FHIT: variants seen among roughly 807,000 people sequenced by gnomAD.
FHIT encodes the protein fragile histidine triad diadenosine triphosphatase.
In FHIT, 19 loss-of-function variants were observed where a neutral mutation model predicts 17.9. The observed-to-expected ratio is 1.06, with a 90% CI of 0.74 to 1.56. The LOEUF (loss-of-function observed/expected upper bound fraction) is 1.56, where lower values mean the gene tolerates loss of function less well. Among genes scored for constraint, FHIT ranks in the 40% most tolerant of loss-of-function variants. FHIT has a pLI of 0.00. For missense variants in FHIT, 248 were observed against 189.2 expected, an observed-to-expected ratio of 1.31 and a Z score of -1.82; for synonymous variants, 81 against 69.7, an observed-to-expected ratio of 1.16 and a Z score of -0.81.
At chr3:60,369,104 C>G (rs1700222846) in intron 5 of FHIT, among the ~76,000 whole-genome samples, 1 of 151,822 alleles carries the variant, frequency 6.6e-6, no homozygotes, top group African/African-American at 2.4e-5. Context: ...TCCTGAGTAG[C>G]TCAAATCACA....
intron 7 of FHIT, among the ~76,000 whole-genome samples, chr3:59,930,010 C>G (rs981083296): frequency 6.6e-6 from 1 of 152,074 alleles, no homozygotes; most frequent in African/African-American, 2.4e-5. Context: ...GATGTGTGAT[C>G]AAGTGAGTTA....
intron 5 of FHIT, among the ~76,000 whole-genome samples, chr3:60,212,822 G>A (rs1370435290): frequency 6.6e-6 from 1 of 152,152 alleles, no homozygotes; most frequent in African/African-American, 2.4e-5. Flanking sequence ...CAAAGAAAAA[G>A]GACATGGCGG....
intron 1 of FHIT, among the ~76,000 whole-genome samples, chr3:61,203,254 C>A (rs1576205716): frequency 6.7e-6 from 1 of 148,928 alleles, no homozygotes; most frequent in Admixed American, 6.7e-5. Flanking sequence ...GAGGCTGAGG[C>A]AGGAGAATAG....
At chr3:59,992,816 C>G (rs1485171613) in intron 7 of FHIT, among the ~76,000 whole-genome samples, 1 of 151,996 alleles carries the variant, frequency 6.6e-6, no homozygotes, top group Non-Finnish European at 1.5e-5. Context: ...CCATCACACC[C>G]TCGCAACAGT....
intron 3 of FHIT, among the ~76,000 whole-genome samples, chr3:60,951,646 G>C (rs1053701280): frequency 6.6e-6 from 1 of 152,142 alleles, no homozygotes; most frequent in Non-Finnish European, 1.5e-5. Flanking sequence ...AGTGCAGCTT[G>C]CTACCAGCAC....
chr3:60,175,557 T>C lies in FHIT; in HGVS notation c.104-161405A>G, dbSNP rs181301240. ...ATTTTTACTCAACATAATGACTCTTTGGGAAGTCTAAATGGCAATACGAGC... is the reference window on the plus strand; with the variant it reads ...ATTTTTACTCAACATAATGACTCTTCGGGAAGTCTAAATGGCAATACGAGC... On this transcript the variant is annotated intron_variant, in intron 5 of 9. Transcript: ENST00000492590. Among the ~76,000 whole-genome samples the C allele has an allele frequency of 9.9e-5, 15 of 152,274 alleles. No individual in the cohort carries two copies. In the East Asian group the frequency reaches 1.5e-3, roughly 16 times the overall value.
chr3:60,566,716 T>C (rs1296200333), intron 4 of FHIT, among the ~76,000 whole-genome samples: 8 of 152,118 alleles, frequency 5.3e-5, no homozygotes, highest in South Asian at 4.1e-4. Flanking sequence ...AACCCCATTG[T>C]CTCAGCCCAA....
intron 5 of FHIT, among the ~76,000 whole-genome samples, chr3:60,057,380 A>G (rs575851411): frequency 1.3e-5 from 2 of 152,296 alleles, no homozygotes; most frequent in East Asian, 1.9e-4. Context: ...AAACACTTCC[A>G]TGCCTCTCTG....
chr3:60,353,865 A>G (rs924449622), intron 5 of FHIT, among the ~76,000 whole-genome samples: 51 of 152,302 alleles, frequency 3.3e-4, no homozygotes, highest in African/African-American at 1.2e-3. Context: ...AGAAGTTGAC[A>G]TTCATACAGT....
At chr3:61,066,552 T>C (rs142608611) in intron 2 of FHIT, among the ~76,000 whole-genome samples, 1,683 of 152,162 alleles carry the variant, frequency 0.011, 38 homozygotes, top group African/African-American at 0.039. Flanking sequence ...GAGGCAAAGG[T>C]TGCAGTGAGC....
chr3:61,196,458 T>A (rs1011981169), intron 2 of FHIT, among the ~76,000 whole-genome samples: 1 of 152,206 alleles, frequency 6.6e-6, no homozygotes, highest in Admixed American at 6.5e-5. Context: ...TCTCCAACTA[T>A]GCAATCAAAA....
At chr3:59,811,360 A>G (rs1700399613) in intron 8 of FHIT, among the ~76,000 whole-genome samples, 1 of 152,244 alleles carries the variant, frequency 6.6e-6, no homozygotes, top group African/African-American at 2.4e-5. Flanking sequence ...TTCTCCAAAT[A>G]GCTTCGTGTT....
At chr3:60,619,051 T>C (rs1559587805) in intron 4 of FHIT, among the ~76,000 whole-genome samples, 1 of 149,234 alleles carries the variant, frequency 6.7e-6, no homozygotes, top group Non-Finnish European at 1.5e-5. Flanking sequence ...TTTGTGTTGT[T>C]TGAAGCCACT....
At chr3:60,291,613 AAAT>A (rs1707988159) in intron 5 of FHIT, among the ~76,000 whole-genome samples, 1 of 152,136 alleles carries the variant, frequency 6.6e-6, no homozygotes, top group Admixed American at 6.6e-5. Context: ...GGTAGGAAAA[AAAT>A]AATTTCTTGG....
intron 4 of FHIT, among the ~76,000 whole-genome samples, chr3:60,589,967 A>C (rs797029767): frequency 2.0e-5 from 3 of 152,146 alleles, no homozygotes; most frequent in African/African-American, 7.2e-5. Context: ...TAAATTTACA[A>C]ACTTTAGTTT....
intron 5 of FHIT, among the ~76,000 whole-genome samples, chr3:60,220,442 A>T (rs1703910202): frequency 6.6e-6 from 1 of 151,964 alleles, no homozygotes; most frequent in Non-Finnish European, 1.5e-5. Flanking sequence ...ATTAATTATT[A>T]AAAAAAATAA....
intron 4 of FHIT, among the ~76,000 whole-genome samples, chr3:60,565,771 T>G (rs2037112890): frequency 6.6e-6 from 1 of 152,296 alleles, no homozygotes; most frequent in East Asian, 1.9e-4. Flanking sequence ...TCAGTTCCGC[T>G]CTGATCTTAG....
chr3:60,198,436 A>T (rs1355466292), intron 5 of FHIT, among the ~76,000 whole-genome samples: 2 of 152,208 alleles, frequency 1.3e-5, no homozygotes, highest in African/African-American at 4.8e-5. Flanking sequence ...ACATTTCCTC[A>T]TGAATGTAAT....
intron 2 of FHIT, among the ~76,000 whole-genome samples, chr3:61,170,569 A>G (rs553681120): frequency 6.6e-5 from 10 of 151,796 alleles, no homozygotes; most frequent in Non-Finnish European, 8.8e-5. Context: ...GTTCCCCTCT[A>G]TGTGTCCATG....
Sources: allele counts gnomAD v4.1 joint callset (sites outside exome capture counted in the v4.1 genomes callset), GRCh38; gene constraint gnomAD v4.1.1; transcripts MANE v1.5; gene names NCBI Gene and HGNC (gene_info 2026-07-23, HGNC 2026-07-21).